CCDC88C: variants seen among roughly 807,000 people sequenced by gnomAD.
The protein encoded by CCDC88C is protein Daple.
Under a neutral mutation model 198.8 loss-of-function variants are expected in CCDC88C, and 131 were observed. That is an observed-to-expected ratio of 0.66 (90% CI 0.57 to 0.76). CCDC88C has a LOEUF of 0.76. CCDC88C is among the 30% of genes least tolerant of loss of function. The pLI is 0.00. For missense variants in CCDC88C, 2,553 were observed against 2,631.6 expected (o/e 0.97, Z 0.65); for synonymous variants, 1,166 against 1,114.7 (o/e 1.05, Z -0.92).
intron 4 of CCDC88C, among the ~76,000 whole-genome samples, chr14:91,357,919 G>A (rs12587097): frequency 0.3 from 46,324 of 152,184 alleles, 7,256 homozygotes; most frequent in Non-Finnish European, 0.34. Context: ...CTACTAACAC[G>A]GGAAGTGGGG....
At chr14:91,317,022 G>A (rs112853038) in intron 13 of CCDC88C, among the ~76,000 whole-genome samples, 2,186 of 152,274 alleles carry the variant, frequency 0.014, 49 homozygotes, top group African/African-American at 0.05. Flanking sequence ...TCAGCCCCCA[G>A]GCTGCATGTC....
intron 3 of CCDC88C, among the ~76,000 whole-genome samples, chr14:91,363,865 G>A (rs540597279): frequency 1.3e-3 from 199 of 152,374 alleles, no homozygotes; most frequent in Non-Finnish European, 2.3e-3. Flanking sequence ...TGGCAGGGAC[G>A]TGAGGAGGCT....
chr14:91,368,044 T>C (rs1285814), intron 3 of CCDC88C, among the ~76,000 whole-genome samples: 62,303 of 151,896 alleles, frequency 0.41, 13,276 homozygotes, highest in African/African-American at 0.51. Flanking sequence ...CACTCCGAAG[T>C]GGCAAAAAGC....
At chr14:91,353,636 T>C (rs1596104140) in intron 4 of CCDC88C, among the ~76,000 whole-genome samples, 1 of 152,148 alleles carries the variant, frequency 6.6e-6, no homozygotes, top group South Asian at 2.1e-4. Context: ...GCCGGTGCAG[T>C]AGATAGAGTT....
At position 91,281,346 on chromosome 14, in the gene CCDC88C, CCTT is replaced by C. The variant is rs1433701104; in HGVS notation, c.4699+108_4699+110del. On this transcript the variant is annotated intron_variant, in intron 27 of 29. Coordinates refer to ENST00000389857, the MANE Select transcript of CCDC88C (RefSeq NM_001080414.4). ...AGGAAGAATGGGTCCCCCATTTCCA[CCTT>C]CATTTGGTGTTGGACTCCCGTACAG... 3.8e-6 allele frequency: 6 copies of C among 1,568,376 alleles called. No homozygotes were observed. In the African/African-American group the frequency reaches 6.8e-5, roughly 18 times the overall value.
rs138170885 is a variant in CCDC88C, at chr14:91,318,642, T to C, written c.1527+2478A>G. On this transcript the variant is annotated intron_variant, in intron 13 of 29. Coordinates refer to ENST00000389857, the MANE Select transcript of CCDC88C (RefSeq NM_001080414.4). ...GGGGACCTGTTCCCAGCCTCAGAGA[T>C]CATGAACCTGCAGAGTGGCTGGGTG... Among the ~76,000 whole-genome samples the C allele has an allele frequency of 8.6e-3, 1,312 of 151,964 alleles. 19 individuals carry two copies. The highest frequency in any genetic ancestry group is 0.03 in the African/African-American group (1,238 of 41,452).
intron 3 of CCDC88C, among the ~76,000 whole-genome samples, chr14:91,375,494 G>A (rs748367): frequency 1.3e-5 from 2 of 152,166 alleles, no homozygotes; most frequent in East Asian, 1.9e-4. Flanking sequence ...TGGGGAAGAG[G>A]GGGGTGGGCA....
chr14:91,352,145 CCCT>C lies in CCDC88C; in HGVS notation c.340+7494_340+7496del, dbSNP rs1209976706. Among the ~76,000 whole-genome samples, 1 of 152,250 alleles carries C rather than the reference CCCT, an allele frequency of 6.6e-6. No homozygotes were observed. Among genetic ancestry groups the C allele is most frequent in the Non-Finnish European group, 1.5e-5 (1 of 68,044 alleles). ...AGACCTTTGACAAATAGCATCTCTT[CCCT>C]CCTCCGCAGACGGCGGTGGCCACAG... On this transcript the variant is annotated intron_variant, in intron 4 of 29. Coordinates refer to ENST00000389857, the MANE Select transcript of CCDC88C (RefSeq NM_001080414.4). The surrounding 1 kb of genome is among the most constrained non-coding windows in gnomAD (Gnocchi z 4.2).
Position 91,362,819 on chromosome 14 carries a change from C to T in CCDC88C, c.271-3108G>A, listed in dbSNP as rs201245332. Among the ~76,000 whole-genome samples, 5 of 151,738 alleles carry T rather than the reference C, an allele frequency of 3.3e-5. No homozygotes were observed. The East Asian group carries it at 9.7e-4, about 29-fold the overall frequency. On this transcript the variant is annotated intron_variant, in intron 3 of 29. Transcript: ENST00000389857. ...TGGCGGGTGCCTGTAGTCCCAGCTA[C>T]TCAGGAGGCTGAGGCAGGAGAATGG...
chr14:91,402,126 A>G (rs1436385499), intron 3 of CCDC88C, among the ~76,000 whole-genome samples: 2 of 152,260 alleles, frequency 1.3e-5, no homozygotes, highest in East Asian at 3.9e-4. Flanking sequence ...AATAAAAAAA[A>G]GTAGCCAGAC....
chr14:91,337,339 CTATTT>C (rs374959476), intron 10 of CCDC88C, among the ~76,000 whole-genome samples: 234 of 152,302 alleles, frequency 1.5e-3, no homozygotes, highest in African/African-American at 5.2e-3. Flanking sequence ...ACAATAATTC[CTATTT>C]TATTTTTAGG....
intron 2 of CCDC88C, among the ~76,000 whole-genome samples, chr14:91,416,513 C>G (rs1243017687): frequency 2.0e-5 from 3 of 152,082 alleles, no homozygotes; most frequent in Non-Finnish European, 2.9e-5. Flanking sequence ...TCATTCAATT[C>G]CAAATTTCCT....
intron 26 of CCDC88C, among the ~76,000 whole-genome samples, chr14:91,281,824 T>C (rs983644384): frequency 6.6e-6 from 1 of 152,100 alleles, no homozygotes; most frequent in Non-Finnish European, 1.5e-5. Context: ...AAGAGCTGAA[T>C]ATTGAGTATC....
chr14:91,294,717 T>A (rs1235270888), intron 22 of CCDC88C, among the ~76,000 whole-genome samples: 2 of 152,216 alleles, frequency 1.3e-5, no homozygotes, highest in East Asian at 1.9e-4. Context: ...TGGAGTGGCA[T>A]GACCTCGGCT....
chr14:91,372,971 C>T (rs895977150), intron 3 of CCDC88C, among the ~76,000 whole-genome samples: 4 of 152,170 alleles, frequency 2.6e-5, no homozygotes, highest in South Asian at 2.1e-4. Flanking sequence ...TGCTCCGGGG[C>T]GACACACCAT....
chr14:91,411,648 T>G (rs758545268), intron 2 of CCDC88C, among the ~76,000 whole-genome samples: 2 of 151,984 alleles, frequency 1.3e-5, no homozygotes, highest in Non-Finnish European at 2.9e-5. Flanking sequence ...GGATTCCTTT[T>G]CATAAAAACT....
At chr14:91,274,713 A>T (rs751622965) in intron 29 of CCDC88C, among the ~76,000 whole-genome samples, 3 of 152,162 alleles carry the variant, frequency 2.0e-5, no homozygotes, top group Non-Finnish European at 4.4e-5. Context: ...ACCTTTCATC[A>T]CCTGTGGGGC....
chr14:91,272,962 G>T lies in CCDC88C; in HGVS notation c.5750C>A (p.Ala1917Asp), dbSNP rs765551866. ...CTGGGAGTTGCTGCCACTGCCAGCA[G>T]CAGCAGCACCAGCACCTGCAGTGGC... ...AIATAGAGAA[A>D]AGSGSNSQLL... Residue 1917 changes from alanine to aspartate, a missense_variant, in exon 30 of 30, where the codon GCT (alanine) becomes GAT (aspartate). Physicochemically the swap from Ala to Asp is moderately radical, Grantham distance 126 (BLOSUM62 -2). This residue lies in a region of CCDC88C where 1,293 missense variants were observed against 1,219.6 expected (regional missense o/e 1.06). Coordinates refer to ENST00000389857, the MANE Select transcript of CCDC88C (RefSeq NM_001080414.4). 6.4e-7 allele frequency: 1 copy of T among 1,558,124 alleles called. No homozygotes were observed. The highest frequency in any genetic ancestry group is 8.6e-7 in the Non-Finnish European group (1 of 1,157,216).
chr14:91,298,260 C>T (rs886603936), intron 21 of CCDC88C, among the ~76,000 whole-genome samples: 2 of 152,032 alleles, frequency 1.3e-5, no homozygotes, highest in African/African-American at 2.4e-5. Context: ...AGTGAGACCC[C>T]CATCTCTGCA....
Sources: allele counts gnomAD v4.1 joint callset (sites outside exome capture counted in the v4.1 genomes callset), GRCh38; gene constraint gnomAD v4.1.1; regional missense constraint gnomAD v4.1.1; non-coding constraint Gnocchi (gnomAD v3.1); transcripts MANE v1.5; gene names NCBI Gene and HGNC (gene_info 2026-07-23, HGNC 2026-07-21).